Variants in XPR1 observed in about 807,000 individuals in gnomAD.
The protein encoded by XPR1 is xenotropic and polytropic retrovirus receptor 1.
XPR1 carries 28 observed loss-of-function variants against 87.5 expected under a neutral mutation model. That is an observed-to-expected ratio of 0.32 (90% CI 0.24 to 0.44). The LOEUF (loss-of-function observed/expected upper bound fraction) is 0.44, where lower values mean the gene tolerates loss of function less well. XPR1 is among the 20% of genes least tolerant of loss of function. The pLI is 1.00. For missense variants in XPR1, 559 were observed against 862.3 expected, an observed-to-expected ratio of 0.65 and a Z score of 4.41; for synonymous variants, 300 against 306.1, an observed-to-expected ratio of 0.98 and a Z score of 0.21.
intron 9 of XPR1, among the ~76,000 whole-genome samples, chr1:180,831,919 G>T (rs1016515324): frequency 3.3e-5 from 5 of 152,136 alleles, no homozygotes; most frequent in African/African-American, 1.2e-4. Context: ...CCCAGTAATG[G>T]GATTGCTGGT....
At chr1:180,768,675 G>A (rs1002420444) in intron 2 of XPR1, among the ~76,000 whole-genome samples, 2 of 152,202 alleles carry the variant, frequency 1.3e-5, no homozygotes, top group Non-Finnish European at 2.9e-5. Context: ...TTTATGCTAA[G>A]AAGTTTACTC....
intron 2 of XPR1, among the ~76,000 whole-genome samples, chr1:180,781,802 A>G (rs1488784995): frequency 1.3e-5 from 2 of 151,958 alleles, no homozygotes; most frequent in African/African-American, 4.8e-5. Flanking sequence ...TATATCTCCT[A>G]AGAATCATTT....
chr1:180,858,397 C>T (rs1231167153), intron 11 of XPR1, among the ~76,000 whole-genome samples: 1 of 152,082 alleles, frequency 6.6e-6, no homozygotes, highest in African/African-American at 2.4e-5. Context: ...ATGAAATAAG[C>T]AATAATATGT....
intron 7 of XPR1, among the ~76,000 whole-genome samples, chr1:180,813,175 G>A (rs1034067057): frequency 5.4e-5 from 8 of 148,482 alleles, no homozygotes; most frequent in Non-Finnish European, 1.2e-4. Context: ...GGGCCTTTCC[G>A]ATATTATATT....
At chr1:180,732,908 G>T (rs1658605342) in intron 2 of XPR1, among the ~76,000 whole-genome samples, 1 of 152,156 alleles carries the variant, frequency 6.6e-6, no homozygotes, top group Non-Finnish European at 1.5e-5. Context: ...CAGCAGATGG[G>T]GAAAGCCAGA....
At chr1:180,712,557 C>T (rs1454940954) in intron 2 of XPR1, among the ~76,000 whole-genome samples, 1 of 152,130 alleles carries the variant, frequency 6.6e-6, no homozygotes, top group East Asian at 1.9e-4. Context: ...CCTGTAATCC[C>T]AGCACTTTGG....
intron 13 of XPR1, among the ~76,000 whole-genome samples, chr1:180,878,918 G>A (rs1652751547): frequency 6.6e-6 from 1 of 152,006 alleles, no homozygotes; most frequent in South Asian, 2.1e-4. Flanking sequence ...TCCTCTAGTT[G>A]TATTATTCCT....
At chr1:180,779,491 A>G (rs1333709256) in intron 2 of XPR1, among the ~76,000 whole-genome samples, 3 of 152,200 alleles carry the variant, frequency 2.0e-5, no homozygotes, top group Non-Finnish European at 4.4e-5. Flanking sequence ...ATGGTGGTTC[A>G]TACCTGTAAT....
chr1:180,655,774 C>G (rs1414875659), intron 1 of XPR1, among the ~76,000 whole-genome samples: 1 of 151,502 alleles, frequency 6.6e-6, no homozygotes, highest in Non-Finnish European at 1.5e-5. Flanking sequence ...AAAAAAATTG[C>G]CCAATTTTTA....
intron 1 of XPR1, among the ~76,000 whole-genome samples, chr1:180,659,484 TTCCTCCCTTCCTC>T (rs1655688228): frequency 2.1e-5 from 3 of 140,916 alleles, no homozygotes; most frequent in Admixed American, 7.1e-5. Context: ...CCTTCCTCCC[TTCCTCCCTTCCTC>T]CCTCTCTGTT....
intron 1 of XPR1, among the ~76,000 whole-genome samples, chr1:180,671,747 T>A (rs1656186521): frequency 6.6e-6 from 1 of 152,126 alleles, no homozygotes; most frequent in Non-Finnish European, 1.5e-5. Flanking sequence ...ACTCCTGACC[T>A]TGTGATCTGC....
At chr1:180,649,506 C>T (rs1263735756) in intron 1 of XPR1, among the ~76,000 whole-genome samples, 8 of 152,156 alleles carry the variant, frequency 5.3e-5, no homozygotes, top group Non-Finnish European at 1.2e-4. Flanking sequence ...AGAGGTCACT[C>T]TTGAATGATA....
At chr1:180,796,801 C>T (rs978306977) in intron 3 of XPR1, among the ~76,000 whole-genome samples, 2 of 152,160 alleles carry the variant, frequency 1.3e-5, no homozygotes, top group Admixed American at 6.5e-5. Context: ...TATATATCCA[C>T]AGAATGAAAT....
chr1:180,649,027 A>G (rs1348037592), intron 1 of XPR1, among the ~76,000 whole-genome samples: 2 of 152,080 alleles, frequency 1.3e-5, no homozygotes, highest in African/African-American at 4.8e-5. Flanking sequence ...ATTTCTCACA[A>G]TTTTCAGATG....
At chr1:180,688,094 A>G (rs1374677847) in intron 2 of XPR1, among the ~76,000 whole-genome samples, 1 of 139,694 alleles carries the variant, frequency 7.2e-6, no homozygotes, top group Non-Finnish European at 1.5e-5. Flanking sequence ...TCTCTCTCCC[A>G]GGCTGGAGTG....
chr1:180,701,537 T>C (rs1657331729), intron 2 of XPR1, among the ~76,000 whole-genome samples: 2 of 141,182 alleles, frequency 1.4e-5, no homozygotes, highest in African/African-American at 5.9e-5. Context: ...TTGTGTATAT[T>C]GAACCAGCCT....
chr1:180,804,858 A>G (rs1186837264), intron 4 of XPR1, among the ~76,000 whole-genome samples: 3 of 152,192 alleles, frequency 2.0e-5, no homozygotes, highest in African/African-American at 7.2e-5. Context: ...TTAAAAAACA[A>G]AAATAAAATG....
chr1:180,669,108 A>G (rs1557948313), intron 1 of XPR1, among the ~76,000 whole-genome samples: 1 of 151,468 alleles, frequency 6.6e-6, no homozygotes, highest in African/African-American at 2.4e-5. Flanking sequence ...AAAAAAAAAA[A>G]TCTATTGAGG....
chr1:180,672,313 G>A (rs1656208127), intron 1 of XPR1, among the ~76,000 whole-genome samples: 1 of 152,076 alleles, frequency 6.6e-6, no homozygotes, highest in Admixed American at 6.5e-5. Flanking sequence ...AAATGAGTCA[G>A]GCTTAATGCT....
Sources: gnomAD v4.1 joint callset for allele counts (sites outside exome capture counted in the v4.1 genomes callset) on GRCh38, gnomAD v4.1.1 for gene constraint, MANE v1.5 for transcripts, NCBI Gene and HGNC (gene_info 2026-07-23, HGNC 2026-07-21) for gene names.